VPS41: variants seen among roughly 807,000 people sequenced by gnomAD.
VPS41 encodes vacuolar protein sorting-associated protein 41 homolog.
VPS41 carries 85 observed loss-of-function variants against 130.9 expected under a neutral mutation model. The observed-to-expected ratio is 0.65, with a 90% confidence interval of 0.55 to 0.78. The LOEUF is 0.78. VPS41 is among the 30% of genes least tolerant of loss of function. The pLI, the probability that VPS41 is intolerant of heterozygous loss-of-function variation, is 0.00. For missense variants in VPS41, 874 were observed against 1,018.7 expected (o/e 0.86, Z 1.93); for synonymous variants, 335 against 332.9 (o/e 1.01, Z -0.07).
chr7:38,752,446 AGGTGAT>A lies in VPS41; in HGVS notation c.1789-139_1789-134del. Reference sequence around the variant, plus strand: ...GAAGCAGTCTTCAGGGAAAACCTCTAGGTGATGGAGAAGTGGAAAGGAAAACCCTTT... The same window carrying A: ...GAAGCAGTCTTCAGGGAAAACCTCTAGGAGAAGTGGAAAGGAAAACCCTTT... On this transcript the variant is annotated intron_variant, in intron 21 of 28. Coordinates refer to ENST00000310301, the MANE Select transcript of VPS41 (RefSeq NM_014396.4). 1.2e-5 allele frequency: 12 copies of A among 1,040,784 alleles called. No homozygotes were observed. In the South Asian group the frequency reaches 1.8e-4, roughly 16 times the overall value. 64.5% of individuals were successfully genotyped at this position (1,040,784 alleles called of 1,614,324 possible).
At chr7:38,860,186 T>G (rs1786075542) in intron 4 of VPS41, among the ~76,000 whole-genome samples, 1 of 152,180 alleles carries the variant, frequency 6.6e-6, no homozygotes, top group African/African-American at 2.4e-5. Context: ...GGCAATTAGG[T>G]ATTATTCAAT....
At position 38,767,577 on chromosome 7, in the gene VPS41, T is replaced by G; in HGVS notation, c.1207A>C (p.Asn403His). The G allele has an allele frequency of 6.2e-7, 1 of 1,610,610 alleles. No individual in the cohort carries two copies. The highest frequency in any genetic ancestry group is 8.5e-7 in the Non-Finnish European group (1 of 1,177,848). ...KILDIGLAYI[N>H]HLVERGDYDI... The stretch of plus-strand genomic sequence containing the variant: ...TAGTCTCCTCTCTCCACCAGGTGAT[T>G]TATATATGCCAAGCCAATATCCTAG... Residue 403 changes from asparagine (N) to histidine (H), a missense_variant, in exon 15 of 29, where the codon AAT becomes CAT. Physicochemically the swap from Asn to His is moderately conservative, Grantham distance 68. Transcript: ENST00000310301.
intron 27 of VPS41, chr7:38,727,316 T>C (rs926628382): frequency 9.7e-5 from 16 of 164,398 alleles, no homozygotes; most frequent in African/African-American, 3.6e-4. Flanking sequence ...ACAGCTGAAG[T>C]TGAGTCTGTG....
chr7:38,827,599 C>T (rs562206498), intron 5 of VPS41, among the ~76,000 whole-genome samples: 1 of 152,288 alleles, frequency 6.6e-6, no homozygotes, highest in South Asian at 2.1e-4. Context: ...TCAGGGGCCT[C>T]CCACTGCCAA....
At chr7:38,778,292 A>G (rs1208186623) in intron 10 of VPS41, among the ~76,000 whole-genome samples, 1 of 152,210 alleles carries the variant, frequency 6.6e-6, no homozygotes, top group Non-Finnish European at 1.5e-5. Context: ...AAATGTTCAC[A>G]AAAGAGCTTA....
intron 16 of VPS41, 57 bp from the exon 17 acceptor site, chr7:38,763,604 T>TAATTGGAA: frequency 9.5e-7 from 1 of 1,052,414 alleles, no homozygotes; most frequent in Non-Finnish European, 1.4e-6. Context: ...CAAAACTGCA[T>TAATTGGAA]TCCAATTATG....
At chr7:38,834,501 A>G (rs146244743) in intron 4 of VPS41, among the ~76,000 whole-genome samples, 29 of 152,300 alleles carry the variant, frequency 1.9e-4, no homozygotes, top group African/African-American at 5.5e-4. Context: ...AATAAAACGG[A>G]GAAGTCAGAG....
chr7:38,860,624 A>G (rs1261097708), intron 4 of VPS41, among the ~76,000 whole-genome samples: 2 of 152,040 alleles, frequency 1.3e-5, no homozygotes, highest in Non-Finnish European at 2.9e-5. Flanking sequence ...AATGCACCAC[A>G]ATTATCCATT....
At chr7:38,777,847 C>T (rs919120217) in intron 10 of VPS41, among the ~76,000 whole-genome samples, 3 of 152,174 alleles carry the variant, frequency 2.0e-5, no homozygotes, top group Non-Finnish European at 4.4e-5. Context: ...CTAAATTGAA[C>T]TTGAACAAGT....
chr7:38,894,659 A>C (rs1786943095), intron 2 of VPS41, among the ~76,000 whole-genome samples: 1 of 152,146 alleles, frequency 6.6e-6, no homozygotes, highest in Non-Finnish European at 1.5e-5. Context: ...AAGCAACAAG[A>C]CCCATTTTTC....
chr7:38,780,380 T>C (rs574617341), intron 10 of VPS41, among the ~76,000 whole-genome samples: 32 of 152,082 alleles, frequency 2.1e-4, no homozygotes, highest in African/African-American at 6.7e-4. Flanking sequence ...AGGCACAGCC[T>C]TCCTCCTCCT....
intron 1 of VPS41, among the ~76,000 whole-genome samples, chr7:38,900,690 A>G (rs1480064788): frequency 1.3e-5 from 2 of 152,246 alleles, no homozygotes; most frequent in Non-Finnish European, 2.9e-5. Flanking sequence ...TTCAGGGAAA[A>G]CTGGGCTCTG....
At chr7:38,806,000 G>T (rs1784833168) in intron 7 of VPS41, among the ~76,000 whole-genome samples, 1 of 152,098 alleles carries the variant, frequency 6.6e-6, no homozygotes, top group African/African-American at 2.4e-5. Context: ...CCTGAGCAAG[G>T]AATACAATCA....
intron 11 of VPS41, 68 bp downstream of exon 11, chr7:38,776,611 A>T (rs1045550169): frequency 1.2e-6 from 1 of 858,444 alleles, no homozygotes; most frequent in African/African-American, 1.6e-5. Flanking sequence ...CTGATGAACA[A>T]CCTGATCTGG....
At chr7:38,849,653 A>T (rs1785807966) in intron 4 of VPS41, among the ~76,000 whole-genome samples, 1 of 152,128 alleles carries the variant, frequency 6.6e-6, no homozygotes, top group Non-Finnish European at 1.5e-5. Context: ...CTCTTCAACC[A>T]ATGTGCTCCT....
At chr7:38,877,203 G>A (rs754027300) in intron 2 of VPS41, among the ~76,000 whole-genome samples, 4 of 152,256 alleles carry the variant, frequency 2.6e-5, no homozygotes, top group East Asian at 1.9e-4. Flanking sequence ...AGCAGACCAG[G>A]TTTGGTAAGC....
intron 4 of VPS41, among the ~76,000 whole-genome samples, chr7:38,856,928 A>G (rs1786000187): frequency 6.6e-6 from 1 of 152,222 alleles, no homozygotes; most frequent in Non-Finnish European, 1.5e-5. Flanking sequence ...GAAGAAATTA[A>G]AACTAAGATT....
chr7:38,871,242 G>A (rs1180321082), intron 2 of VPS41, among the ~76,000 whole-genome samples: 1 of 152,166 alleles, frequency 6.6e-6, no homozygotes, highest in African/African-American at 2.4e-5. Context: ...AAAGAAAAAC[G>A]ACTTGTAGAG....
At chr7:38,790,159 G>A (rs867951612) in intron 9 of VPS41, among the ~76,000 whole-genome samples, 1 of 152,086 alleles carries the variant, frequency 6.6e-6, no homozygotes, top group South Asian at 2.1e-4. Context: ...AGTGATCAGG[G>A]ATTTTTCCTT....
Sources: gnomAD v4.1 joint callset for allele counts (sites outside exome capture counted in the v4.1 genomes callset) on GRCh38, gnomAD v4.1.1 for gene constraint, MANE v1.5 for transcripts, NCBI Gene and HGNC (gene_info 2026-07-23, HGNC 2026-07-21) for gene names.